The following CSMD1 variants were observed in gnomAD, a reference collection of about 807,000 sequenced individuals.
The protein encoded by CSMD1 is CUB and Sushi multiple domains 1, also known as CUB and sushi domain-containing protein 1.
CSMD1 carries 213 observed loss-of-function variants against 417.5 expected under a neutral mutation model. The ratio of observed to expected loss-of-function variants is 0.51; its 90% CI spans 0.46 to 0.57. The LOEUF (loss-of-function observed/expected upper bound fraction) is 0.57, where lower values mean the gene tolerates loss of function less well. Among genes scored for constraint, CSMD1 ranks in the 20% least tolerant of loss-of-function variants. The probability of loss-of-function intolerance (pLI) is 0.00; values close to 1 mark genes in which losing one functional copy is unlikely to be tolerated. For synonymous variants in CSMD1, 2,862 were observed against 1,736.8 expected, an observed-to-expected ratio of 1.65 and a Z score of -16.11; for missense variants, 6,923 against 4,529.7, an observed-to-expected ratio of 1.53 and a Z score of -15.17.
chr8:3,354,500 G>T (rs910543883), intron 21 of CSMD1, among the ~76,000 whole-genome samples: 2 of 152,114 alleles, frequency 1.3e-5, no homozygotes, highest in Admixed American at 1.3e-4. Flanking sequence ...CAAGTTCATT[G>T]TGTTCTACGC....
intron 5 of CSMD1, among the ~76,000 whole-genome samples, chr8:3,833,971 T>C (rs924632384): frequency 6.6e-6 from 1 of 152,174 alleles, no homozygotes; most frequent in Non-Finnish European, 1.5e-5. Flanking sequence ...AATTCACCTT[T>C]CCTATACGGT....
chr8:4,146,225 T>C (rs1804111867), intron 3 of CSMD1, among the ~76,000 whole-genome samples: 1 of 151,034 alleles, frequency 6.6e-6, no homozygotes, highest in Admixed American at 6.6e-5. Context: ...AAACATGAAC[T>C]TGGAGAAAAC....
chr8:3,931,615 T>TAG (rs1810150471), intron 5 of CSMD1, among the ~76,000 whole-genome samples: 1 of 149,518 alleles, frequency 6.7e-6, no homozygotes, highest in South Asian at 2.2e-4. Flanking sequence ...CGCCAAGAGT[T>TAG]AGAGACAGAG....
chr8:4,694,499 G>T (rs1260641171), intron 1 of CSMD1, among the ~76,000 whole-genome samples: 1 of 151,914 alleles, frequency 6.6e-6, no homozygotes, highest in Non-Finnish European at 1.5e-5. Context: ...CTATCTATAT[G>T]CATGTGTCAC....
intron 3 of CSMD1, among the ~76,000 whole-genome samples, chr8:4,281,647 C>G (rs1187824738): frequency 6.6e-6 from 1 of 151,986 alleles, no homozygotes; most frequent in Non-Finnish European, 1.5e-5. Context: ...GGCTTTCTTA[C>G]TTGACATATA....
intron 10 of CSMD1, among the ~76,000 whole-genome samples, chr8:3,521,685 G>A (rs1279343429): frequency 6.6e-6 from 1 of 152,116 alleles, no homozygotes; most frequent in African/African-American, 2.4e-5. Flanking sequence ...TGATGTTAAA[G>A]GTCATCAACC....
intron 5 of CSMD1, among the ~76,000 whole-genome samples, chr8:3,987,968 G>C (rs1251251296): frequency 6.6e-6 from 1 of 152,154 alleles, no homozygotes; most frequent in African/African-American, 2.4e-5. Context: ...AAAGGAAACT[G>C]CTCAACTTTT....
At chr8:3,871,444 C>T (rs1368285118) in intron 5 of CSMD1, among the ~76,000 whole-genome samples, 1 of 152,016 alleles carries the variant, frequency 6.6e-6, no homozygotes, top group African/African-American at 2.4e-5. Flanking sequence ...TTAATTTCAA[C>T]TTGCATTATT....
rs536665133 is a variant in CSMD1 at position 4,728,439 on chromosome 8, G to C, written c.86-90881C>G. Among the ~76,000 whole-genome samples the C allele has an allele frequency of 1.4e-4, 22 of 152,174 alleles. No homozygotes were observed. In the South Asian group the frequency reaches 4.4e-3, roughly 30 times the overall value. ...ATTCCTGAGGGTAAGAAGCATTTCA[G>C]TCTTGTTACCAATTGAACGTATATT... On this transcript the variant is annotated intron_variant, in intron 1 of 69. Coordinates refer to ENST00000635120, the MANE Select transcript of CSMD1 (RefSeq NM_033225.6).
intron 1 of CSMD1, among the ~76,000 whole-genome samples, chr8:4,915,630 T>A (rs1480363509): frequency 6.6e-6 from 1 of 152,144 alleles, no homozygotes; most frequent in Non-Finnish European, 1.5e-5. Context: ...GGCTAGCAGT[T>A]CCCAACCTTC....
chr8:4,609,315 T>A (rs566690720), intron 2 of CSMD1, among the ~76,000 whole-genome samples: 1 of 152,078 alleles, frequency 6.6e-6, no homozygotes, highest in Non-Finnish European at 1.5e-5. Flanking sequence ...GTGGGAGGAT[T>A]GCTGGAGCCT....
At chr8:4,551,780 A>C (rs1048957290) in intron 2 of CSMD1, among the ~76,000 whole-genome samples, 12 of 152,016 alleles carry the variant, frequency 7.9e-5, no homozygotes, top group Non-Finnish European at 1.3e-4. Flanking sequence ...TCAGGCTGAA[A>C]TGATCCTCCC....
intron 2 of CSMD1, among the ~76,000 whole-genome samples, chr8:4,571,778 C>T (rs543867647): frequency 6.6e-6 from 1 of 152,272 alleles, no homozygotes; most frequent in South Asian, 2.1e-4. Context: ...CTTTGTACGT[C>T]TCTAAGAACT....
chr8:4,028,508 G>GAA (rs368939894), intron 4 of CSMD1, among the ~76,000 whole-genome samples: 2 of 149,222 alleles, frequency 1.3e-5, no homozygotes, highest in South Asian at 2.1e-4. Context: ...ACAAAAAAAG[G>GAA]AAAAAAAAAT....
chr8:3,085,845 C>T (rs535540990), intron 49 of CSMD1, among the ~76,000 whole-genome samples: 11 of 152,164 alleles, frequency 7.2e-5, no homozygotes, highest in South Asian at 6.2e-4. Flanking sequence ...TGGCATCACC[C>T]GAATCCCTTT....
intron 5 of CSMD1, among the ~76,000 whole-genome samples, chr8:3,855,710 T>C (rs1389038082): frequency 6.6e-6 from 1 of 152,178 alleles, no homozygotes; most frequent in Non-Finnish European, 1.5e-5. Context: ...AACCATTTTC[T>C]TCTACTGAGA....
chr8:4,008,478 G>C (rs993159201), intron 4 of CSMD1, among the ~76,000 whole-genome samples: 8 of 150,194 alleles, frequency 5.3e-5, no homozygotes, highest in Non-Finnish European at 8.8e-5. Flanking sequence ...TAAAATTTCA[G>C]CTCTCCCTTG....
chr8:4,332,088 T>G (rs73506627), intron 3 of CSMD1, among the ~76,000 whole-genome samples: 3,599 of 152,248 alleles, frequency 0.024, 125 homozygotes, highest in African/African-American at 0.081. Flanking sequence ...TCATCTATTT[T>G]TAATTTTGCC....
At chr8:4,799,147 G>C (rs141487061) in intron 1 of CSMD1, among the ~76,000 whole-genome samples, 1 of 152,146 alleles carries the variant, frequency 6.6e-6, no homozygotes, top group East Asian at 1.9e-4. Flanking sequence ...CAATACATGA[G>C]AGATGTGCTT....
Sources: allele counts gnomAD v4.1 joint callset (sites outside exome capture counted in the v4.1 genomes callset), GRCh38; gene constraint gnomAD v4.1.1; transcripts MANE v1.5; gene names NCBI Gene and HGNC (gene_info 2026-07-23, HGNC 2026-07-21).